IPO11: variants seen among roughly 807,000 people sequenced by gnomAD.
The protein encoded by IPO11 is importin-11.
A neutral mutation model predicts 143.2 loss-of-function variants in IPO11; 66 were observed. That is an observed-to-expected ratio of 0.46 (90% CI 0.38 to 0.57). IPO11 has a LOEUF of 0.57. Ranked by LOEUF, IPO11 falls within the 20% of genes least tolerant of loss-of-function variation. IPO11 has a pLI of 0.00. For missense variants in IPO11, 1,026 were observed against 1,141.0 expected, an observed-to-expected ratio of 0.90 and a Z score of 1.45; for synonymous variants, 385 against 377.8, an observed-to-expected ratio of 1.02 and a Z score of -0.22.
intron 29 of IPO11, among the ~76,000 whole-genome samples, chr5:62,622,674 G>A (rs903650710): frequency 6.6e-6 from 1 of 152,104 alleles, no homozygotes; most frequent in Non-Finnish European, 1.5e-5. Context: ...GCACACTGCA[G>A]TAAAGGCATA....
chr5:62,484,155 A>G lies in IPO11; in HGVS notation c.1167A>G (p.Glu389=), dbSNP rs765554045. The G allele has an allele frequency of 1.3e-6, 2 of 1,588,204 alleles. No homozygotes were observed. Among genetic ancestry groups the G allele is most frequent in the Admixed American group, 3.9e-5 (2 of 51,530 alleles). The stretch of plus-strand genomic sequence containing the variant: ...TGACAATGTGGGAAGAAGACCCAGA[A>G]GGCTTTAGTAAGAATTAATTTTTTA... ...EELTMWEEDP[E]GFTVEETGGD... is the part of the protein sequence containing the mutation. The change falls in exon 11 of 30, where the codon GAA becomes GAG. Residue 389 remains glutamate (E), a synonymous_variant. Coordinates refer to ENST00000325324, the MANE Select transcript of IPO11 (RefSeq NM_016338.5).
chr5:62,610,775 C>A (rs568919330), intron 29 of IPO11, among the ~76,000 whole-genome samples: 26 of 151,826 alleles, frequency 1.7e-4, no homozygotes, highest in African/African-American at 5.8e-4. Flanking sequence ...TTTTTTTCTT[C>A]TGTATTCATT....
chr5:62,430,210 CTATGT>C (rs1320553914), intron 1 of IPO11, among the ~76,000 whole-genome samples: 6 of 152,222 alleles, frequency 3.9e-5, no homozygotes, highest in Middle Eastern at 6.8e-3. Flanking sequence ...GGTAGAATTG[CTATGT>C]TATATGTTAT....
At chr5:62,584,312 A>C (rs1402953038) in intron 27 of IPO11, among the ~76,000 whole-genome samples, 1 of 152,038 alleles carries the variant, frequency 6.6e-6, no homozygotes, top group Non-Finnish European at 1.5e-5. Context: ...AGGAGATAGG[A>C]GAGGCTGGGC....
chr5:62,420,024 C>T (rs1051071537), intron 1 of IPO11, among the ~76,000 whole-genome samples: 6 of 152,108 alleles, frequency 3.9e-5, no homozygotes, highest in Admixed American at 3.9e-4. Flanking sequence ...GGCGTGGTGG[C>T]TCACGCCTGT....
intron 1 of IPO11, among the ~76,000 whole-genome samples, chr5:62,417,321 ATTTTTTTTT>A (rs34767317): frequency 4.6e-4 from 30 of 65,354 alleles, no homozygotes; most frequent in Admixed American, 4.6e-3. Context: ...TTATTGGTTA[ATTTTTTTTT>A]TTTTTTTTTT....
chr5:62,583,019 T>G (rs912744622), intron 27 of IPO11, among the ~76,000 whole-genome samples: 3 of 152,218 alleles, frequency 2.0e-5, no homozygotes, highest in African/African-American at 7.2e-5. Context: ...TGCTTTTCCC[T>G]GCTTAGCTGA....
chr5:62,419,276 A>G, intron 1 of IPO11: 1 of 774,520 alleles, frequency 1.3e-6, no homozygotes, highest in East Asian at 2.9e-5. Context: ...TCAGTGAGTG[A>G]GTGGTGAGTG....
intron 1 of IPO11, among the ~76,000 whole-genome samples, chr5:62,433,802 G>T (rs1744075283): frequency 6.6e-6 from 1 of 152,130 alleles, no homozygotes; most frequent in African/African-American, 2.4e-5. Context: ...TATGTTCTCT[G>T]CACAATCTTT....
intron 29 of IPO11, among the ~76,000 whole-genome samples, chr5:62,619,824 A>T (rs1469205348): frequency 6.6e-6 from 1 of 151,840 alleles, no homozygotes; most frequent in Non-Finnish European, 1.5e-5. Flanking sequence ...GCGCCACTGC[A>T]CTCCAGCCTG....
Position 62,492,958 on chromosome 5 carries a change from C to G in IPO11, c.1464-1040C>G, listed in dbSNP as rs114594757. 9.5e-3 allele frequency among the ~76,000 whole-genome samples: 1,451 copies of G among 152,208 alleles called. 5 individuals carry two copies. Among genetic ancestry groups the G allele is most frequent in the Non-Finnish European group, 0.016 (1,066 of 67,998 alleles). On this transcript the variant is annotated intron_variant, in intron 15 of 29. Coordinates refer to ENST00000325324, the MANE Select transcript of IPO11 (RefSeq NM_016338.5). ...CCCAGAAATATTTATCATCTTGCCACTAAAATTTACATAATATCAAAAAGG... is the reference window on the plus strand; with the variant it reads ...CCCAGAAATATTTATCATCTTGCCAGTAAAATTTACATAATATCAAAAAGG...
intron 27 of IPO11, chr5:62,581,424 T>G (rs558201346): frequency 2.4e-6 from 2 of 817,032 alleles, no homozygotes; most frequent in South Asian, 2.4e-5. Flanking sequence ...GAGGTTAGCA[T>G]TATTAAAATA....
intron 29 of IPO11, among the ~76,000 whole-genome samples, chr5:62,612,414 A>T (rs1329593748): frequency 1.3e-5 from 2 of 152,184 alleles, no homozygotes; most frequent in Non-Finnish European, 2.9e-5. Context: ...AAGGCTGTTA[A>T]ATACTACTCC....
At chr5:62,514,661 A>T (rs1315690404) in intron 19 of IPO11, among the ~76,000 whole-genome samples, 1 of 151,940 alleles carries the variant, frequency 6.6e-6, no homozygotes, top group Non-Finnish European at 1.5e-5. Context: ...CCCCAAGGAT[A>T]TTCTTAGAGC....
intron 9 of IPO11, among the ~76,000 whole-genome samples, chr5:62,481,771 G>A (rs1307052637): frequency 1.3e-5 from 2 of 152,116 alleles, no homozygotes; most frequent in African/African-American, 2.4e-5. Flanking sequence ...GTATCTCTGC[G>A]AGGCTTTGGT....
Position 62,429,882 on chromosome 5 carries a change from C to G in IPO11, c.-6-7392C>G, listed in dbSNP as rs540781716. On this transcript the variant is annotated intron_variant, in intron 1 of 29. Coordinates refer to ENST00000325324, the MANE Select transcript of IPO11 (RefSeq NM_016338.5). ...TTGTGATCCTCCTGCCTCAGCCTCC[C>G]GAAGTACTGGGATTACAGGAATGAG... 2.0e-5 allele frequency among the ~76,000 whole-genome samples: 3 copies of G among 152,158 alleles called. No individual in the cohort carries two copies. In the East Asian group the frequency reaches 5.8e-4, roughly 29 times the overall value.
chr5:62,523,238 T>A (rs866589498), intron 20 of IPO11, among the ~76,000 whole-genome samples: 53 of 152,352 alleles, frequency 3.5e-4, no homozygotes, highest in Middle Eastern at 6.8e-3. Flanking sequence ...TCCTTTTAGT[T>A]GGCTTTGGGA....
chr5:62,441,234 G>A (rs1744464246), intron 2 of IPO11, among the ~76,000 whole-genome samples: 1 of 152,074 alleles, frequency 6.6e-6, no homozygotes, highest in Non-Finnish European at 1.5e-5. Flanking sequence ...TTTCACTCTT[G>A]TTGCCCAGGA....
intron 26 of IPO11, among the ~76,000 whole-genome samples, chr5:62,559,687 C>T (rs1245839862): frequency 4.0e-5 from 6 of 151,640 alleles, no homozygotes; most frequent in Non-Finnish European, 7.4e-5. Context: ...GAGGCCGAGG[C>T]GGGTGGATCA....
Sources: gnomAD v4.1 joint callset for allele counts (sites outside exome capture counted in the v4.1 genomes callset) on GRCh38, gnomAD v4.1.1 for gene constraint, MANE v1.5 for transcripts, NCBI Gene and HGNC (gene_info 2026-07-23, HGNC 2026-07-21) for gene names.